NEK10: variants seen among roughly 807,000 people sequenced by gnomAD.
NEK10 encodes serine/threonine-protein kinase Nek10.
Under a neutral mutation model 159.8 loss-of-function variants are expected in NEK10, and 122 were observed. The observed-to-expected ratio is 0.76, with a 90% confidence interval of 0.66 to 0.89. NEK10 has a LOEUF of 0.89. Among genes scored for constraint, NEK10 ranks in the 40% least tolerant of loss-of-function variants. The pLI is 0.00. For missense variants in NEK10, 1,342 were observed against 1,323.1 expected (o/e 1.01, Z -0.22); for synonymous variants, 466 against 457.1 (o/e 1.02, Z -0.25).
chr3:27,133,600 C>T (rs1183313942), intron 31 of NEK10, among the ~76,000 whole-genome samples: 1 of 152,134 alleles, frequency 6.6e-6, no homozygotes, highest in East Asian at 1.9e-4. Context: ...CATGGAGAAA[C>T]CCCATCTCTA....
intron 28 of NEK10, among the ~76,000 whole-genome samples, chr3:27,172,097 G>A (rs1164950372): frequency 6.6e-6 from 1 of 152,008 alleles, no homozygotes; most frequent in Non-Finnish European, 1.5e-5. Context: ...CCAGCACTTT[G>A]TGAGGCCGAG....
chr3:27,257,280 T>C (rs1331502419), intron 22 of NEK10, among the ~76,000 whole-genome samples: 1 of 152,224 alleles, frequency 6.6e-6, no homozygotes, highest in Non-Finnish European at 1.5e-5. Context: ...CCTATCCATT[T>C]GCTACAGATT....
At chr3:27,364,431 T>C (rs2048916019) in intron 1 of NEK10, among the ~76,000 whole-genome samples, 1 of 150,956 alleles carries the variant, frequency 6.6e-6, no homozygotes, top group Non-Finnish European at 1.5e-5. Flanking sequence ...TTTCACCATG[T>C]TGGCCAGGCT....
Position 27,352,873 on chromosome 3 carries a change from G to C in NEK10, c.10C>G (p.Gln4Glu). 1 of 1,606,338 alleles carries C rather than the reference G, an allele frequency of 6.2e-7. No homozygotes were observed. Among genetic ancestry groups the C allele is most frequent in the African/African-American group, 1.3e-5 (1 of 74,844 alleles). The part of the protein sequence containing the change: MPD[Q>E]DKKVKTTEKS... ...TCTGTGGTCTTCACCTTTTTATCTT[G>C]ATCAGGCATTGTAAAACATCAATGC... Residue 4 changes from glutamine to glutamate, a missense_variant, in exon 2 of 36, where the codon CAA (glutamine) becomes GAA (glutamate). Physicochemically the swap from Gln to Glu is conservative, Grantham distance 29. Coordinates refer to ENST00000691995, the MANE Select transcript of NEK10 (RefSeq NM_001394966.1).
intron 22 of NEK10, among the ~76,000 whole-genome samples, chr3:27,263,693 T>C (rs1300984572): frequency 2.6e-5 from 4 of 152,016 alleles, no homozygotes. Context: ...GGGAGTGACC[T>C]GATTTTCCAG....
At chr3:27,367,908 T>C (rs1158682776) in intron 1 of NEK10, among the ~76,000 whole-genome samples, 1 of 152,156 alleles carries the variant, frequency 6.6e-6, no homozygotes, top group African/African-American at 2.4e-5. Context: ...GAACTGCTGA[T>C]AGAAGGCCTA....
At position 27,141,644 on chromosome 3, in the gene NEK10, A is replaced by G. The variant is rs556325167; in HGVS notation, c.2870-62T>C. On this transcript the variant is annotated intron_variant, in intron 30 of 35. Transcript: ENST00000691995. Reference sequence around the variant, plus strand: ...TTTCAAAAGTTACATTAGTGAAAAAATGAAGTAAAATTCTAACACAAATTT... The same window carrying G: ...TTTCAAAAGTTACATTAGTGAAAAAGTGAAGTAAAATTCTAACACAAATTT... 4.1e-5 allele frequency: 52 copies of G among 1,277,182 alleles called. No homozygotes were observed. In the African/African-American group the frequency reaches 6.8e-4, roughly 17 times the overall value. The allele number at this position is 1,277,182 out of a possible 1,614,324, so 79.1% of individuals were successfully genotyped here. A position where few individuals can be genotyped will look rare whatever the true frequency, so the allele number is the denominator to read the frequency against.
chr3:27,149,518 T>C (rs1046358054), intron 30 of NEK10, among the ~76,000 whole-genome samples: 3 of 152,188 alleles, frequency 2.0e-5, no homozygotes, highest in African/African-American at 7.2e-5. Context: ...ATTAGATCTG[T>C]TGTGATGATC....
chr3:27,223,118 G>A (rs1003868091), intron 23 of NEK10, among the ~76,000 whole-genome samples: 1 of 152,162 alleles, frequency 6.6e-6, no homozygotes, highest in Non-Finnish European at 1.5e-5. Flanking sequence ...TAAATAATGT[G>A]CAGAAGCTCA....
intron 5 of NEK10, among the ~76,000 whole-genome samples, chr3:27,333,542 G>A (rs1489351807): frequency 7.0e-5 from 10 of 142,834 alleles, no homozygotes; most frequent in Admixed American, 2.1e-4. Flanking sequence ...GCAAAACTCC[G>A]TCTCAAAAAA....
chr3:27,243,691 A>G (rs540012017), intron 23 of NEK10, among the ~76,000 whole-genome samples: 10 of 152,274 alleles, frequency 6.6e-5, no homozygotes, highest in South Asian at 2.1e-4. Context: ...CCCAGCCCCA[A>G]TGGCCTTTCC....
At chr3:27,121,031 C>G (rs954752541) in intron 32 of NEK10, among the ~76,000 whole-genome samples, 1 of 152,176 alleles carries the variant, frequency 6.6e-6, no homozygotes, top group African/African-American at 2.4e-5. Flanking sequence ...ATAGACACTA[C>G]ATTTTAATAA....
intron 35 of NEK10, 67 bp from the exon 36 acceptor site, chr3:27,111,387 C>T: frequency 8.0e-7 from 1 of 1,243,264 alleles, no homozygotes; most frequent in Non-Finnish European, 1.1e-6. Flanking sequence ...CATTCAATTT[C>T]AAAAACTGGG....
At chr3:27,257,946 G>A (rs996445683) in intron 22 of NEK10, among the ~76,000 whole-genome samples, 7 of 151,780 alleles carry the variant, frequency 4.6e-5, no homozygotes, top group Non-Finnish European at 8.8e-5. Context: ...CCGCCAGCAC[G>A]TCCAGCTAAT....
Position 27,290,614 on chromosome 3 carries a change from T to C in NEK10, c.1743+3A>G. 2 of 1,581,220 alleles carry C rather than the reference T, an allele frequency of 1.3e-6. No individual in the cohort carries two copies. The highest frequency in any genetic ancestry group is 1.7e-6 in the Non-Finnish European group (2 of 1,165,328). On this transcript the variant is annotated splice_donor_region_variant and intron_variant, in intron 19 of 35. Transcript: ENST00000691995. ...CATCTTCAGAAACAAGGAAAACATT[T>C]ACCTGCTCTTTAATTATTGTTAATT...
chr3:27,143,381 T>C (rs1011609175), intron 30 of NEK10: 116 of 677,698 alleles, frequency 1.7e-4, no homozygotes, highest in Admixed American at 3.0e-4. Flanking sequence ...TCTCACAACA[T>C]GGCAAAGAGT....
At chr3:27,183,247 TA>T (rs946414782) in intron 26 of NEK10, among the ~76,000 whole-genome samples, 18 of 151,400 alleles carry the variant, frequency 1.2e-4, no homozygotes, top group African/African-American at 4.4e-4. Flanking sequence ...ATTTAAAATT[TA>T]AAAATATTTA....
At chr3:27,268,062 C>T (rs2041048097) in intron 22 of NEK10, among the ~76,000 whole-genome samples, 1 of 152,182 alleles carries the variant, frequency 6.6e-6, no homozygotes. Context: ...TTCCCTTAAG[C>T]CAATGCCCAA....
Position 27,131,893 on chromosome 3 carries a change from G to A in NEK10, c.3068C>T (p.Ser1023Phe). The change falls in exon 32 of 36, where the codon TCT becomes TTT. Residue 1023 changes from serine (S) to phenylalanine (F), a missense_variant. By Grantham distance (155) the Ser-to-Phe change is radical (BLOSUM62 -2). Coordinates refer to ENST00000691995, the MANE Select transcript of NEK10 (RefSeq NM_001394966.1). ...AGAATACCATACCTTTTTAATTTCAGATTTCAAATTACAAGGGTTACTCTG... is the reference window on the plus strand; with the variant it reads ...AGAATACCATACCTTTTTAATTTCAAATTTCAAATTACAAGGGTTACTCTG... ...SQQSNPCNLK[S>F]EIKKLSQGSP... 1 of 1,570,948 alleles carries A rather than the reference G, an allele frequency of 6.4e-7. No homozygotes were observed. Among genetic ancestry groups the A allele is most frequent in the Admixed American group, 1.7e-5 (1 of 59,642 alleles).
Sources: gnomAD v4.1 joint callset for allele counts (sites outside exome capture counted in the v4.1 genomes callset) on GRCh38, gnomAD v4.1.1 for gene constraint, MANE v1.5 for transcripts, NCBI Gene and HGNC (gene_info 2026-07-23, HGNC 2026-07-21) for gene names.